ADAM22: variants seen among roughly 807,000 people sequenced by gnomAD.
ADAM22 encodes disintegrin and metalloproteinase domain-containing protein 22.
In ADAM22, 65 loss-of-function variants were observed where a neutral mutation model predicts 144.6. That is an observed-to-expected ratio of 0.45 (90% CI 0.37 to 0.55). The LOEUF (loss-of-function observed/expected upper bound fraction) is 0.55, where lower values mean the gene tolerates loss of function less well. Among genes scored for constraint, ADAM22 ranks in the 20% least tolerant of loss-of-function variants. The probability of loss-of-function intolerance (pLI) is 0.00; values close to 1 mark genes in which losing one functional copy is unlikely to be tolerated. For synonymous variants in ADAM22, 391 were observed against 412.6 expected (o/e 0.95, Z 0.63); for missense variants, 974 against 1,184.9 (o/e 0.82, Z 2.61).
At chr7:87,987,319 C>T (rs1460068988) in intron 3 of ADAM22, among the ~76,000 whole-genome samples, 1 of 152,128 alleles carries the variant, frequency 6.6e-6, no homozygotes, top group African/African-American at 2.4e-5. Flanking sequence ...GCTGGGATTA[C>T]AGGTGTGTGC....
intron 3 of ADAM22, among the ~76,000 whole-genome samples, chr7:88,018,571 T>C (rs938797369): frequency 1.3e-5 from 2 of 152,192 alleles, no homozygotes; most frequent in African/African-American, 2.4e-5. Flanking sequence ...GGTAGAAATA[T>C]AAAGCATCTG....
chr7:88,181,459 C>G, intron 27 of ADAM22, 46 bp from the exon 28 acceptor site: 1 of 1,526,386 alleles, frequency 6.6e-7, no homozygotes, highest in Non-Finnish European at 9.1e-7. Context: ...TCAAAACATT[C>G]ATTTGGTTAC....
intron 3 of ADAM22, among the ~76,000 whole-genome samples, chr7:87,998,288 A>G (rs1428963717): frequency 6.6e-6 from 1 of 152,176 alleles, no homozygotes; most frequent in African/African-American, 2.4e-5. Context: ...ACACCCAGGA[A>G]CAACACTTTG....
chr7:88,114,340 C>G (rs1364971245), intron 5 of ADAM22, among the ~76,000 whole-genome samples: 1 of 152,100 alleles, frequency 6.6e-6, no homozygotes, highest in African/African-American at 2.4e-5. Flanking sequence ...TGATGGGCAA[C>G]AGCTAGAGCA....
rs1049706113 is a variant in ADAM22, at chr7:88,047,852, A to G, written c.324-27774A>G. Among the ~76,000 whole-genome samples, 4 of 152,294 alleles carry G rather than the reference A, an allele frequency of 2.6e-5. No homozygotes were observed. In the East Asian group the frequency reaches 7.7e-4, roughly 29 times the overall value. ...GAATTTATAAGTAAATGGATCAAAT[A>G]AATAAATGCATCAGATGTATATACA... is the stretch of plus-strand genomic sequence containing the variant. On this transcript the variant is annotated intron_variant, in intron 3 of 31. Transcript: ENST00000413139.
At chr7:88,145,101 T>A (rs1835968754) in intron 15 of ADAM22, 24 bp from the exon 16 acceptor site, 1 of 1,608,840 alleles carries the variant, frequency 6.2e-7, no homozygotes, top group Non-Finnish European at 8.5e-7. Flanking sequence ...TATATTTTAG[T>A]TCACTTTTTG....
intron 7 of ADAM22, among the ~76,000 whole-genome samples, chr7:88,120,630 CT>C (rs968462732): frequency 1.3e-5 from 2 of 152,086 alleles, no homozygotes; most frequent in Non-Finnish European, 2.9e-5. Context: ...GAATTTCTGT[CT>C]TTTTTGTTGT....
chr7:87,955,610 C>T lies in ADAM22; in HGVS notation c.246+20424C>T, dbSNP rs563579464. On this transcript the variant is annotated intron_variant, in intron 2 of 31. Transcript: ENST00000413139. ...GTCACACTTGAGGAGGCAGTCTGCC[C>T]GTTCTCAGATCTCCAGCTGCGTGCT... Among the ~76,000 whole-genome samples the T allele has an allele frequency of 3.5e-4, 53 of 152,282 alleles. 2 individuals carry two copies. In the East Asian group the frequency reaches 8.1e-3, roughly 23 times the overall value.
chr7:88,025,366 C>T (rs762515131), intron 3 of ADAM22, among the ~76,000 whole-genome samples: 1 of 152,168 alleles, frequency 6.6e-6, no homozygotes, highest in Non-Finnish European at 1.5e-5. Context: ...TGTGCAGAAG[C>T]TTTTTAACTT....
At chr7:88,131,970 TG>T (rs1831915253) in intron 11 of ADAM22, 1 of 152,298 alleles carries the variant, frequency 6.6e-6, no homozygotes, top group Admixed American at 6.6e-5. Context: ...AGATGTATTT[TG>T]GGGTAACTTT....
At chr7:88,015,256 G>A (rs896492953) in intron 3 of ADAM22, among the ~76,000 whole-genome samples, 1 of 152,182 alleles carries the variant, frequency 6.6e-6, no homozygotes, top group Non-Finnish European at 1.5e-5. Context: ...TGATTGGAGA[G>A]CACTTAATAA....
At chr7:87,972,604 A>G (rs570679824) in intron 2 of ADAM22, among the ~76,000 whole-genome samples, 2,959 of 152,264 alleles carry the variant, frequency 0.019, 36 homozygotes, top group Middle Eastern at 0.031. Context: ...ATATGGAACC[A>G]AAAAAGAGCC....
intron 3 of ADAM22, among the ~76,000 whole-genome samples, chr7:88,053,494 TAAAGAG>T (rs943563539): frequency 6.7e-6 from 1 of 148,322 alleles, no homozygotes; most frequent in Non-Finnish European, 1.5e-5. Flanking sequence ...TAAAAAGACT[TAAAGAG>T]AAGAGGAAAT....
chr7:88,177,134 T>C (rs910663778), intron 26 of ADAM22, among the ~76,000 whole-genome samples: 4 of 152,226 alleles, frequency 2.6e-5, no homozygotes, highest in African/African-American at 9.6e-5. Flanking sequence ...GTAAAGATAG[T>C]AGTGATAAAT....
intron 5 of ADAM22, among the ~76,000 whole-genome samples, chr7:88,113,703 A>AATGTGTGTATATAT (rs1554478727): frequency 1.5e-4 from 7 of 48,106 alleles, no homozygotes; most frequent in African/African-American, 4.0e-4. Context: ...TAAATAAATA[A>AATGTGTGTATATAT]ATATATATAT....
At chr7:88,125,469 C>G (rs10250115) in intron 7 of ADAM22, 120 bp from the exon 8 acceptor site, 27,254 of 602,188 alleles carry the variant, frequency 0.045, 1,679 homozygotes, top group African/African-American at 0.23. Context: ...TTTGTGTGAT[C>G]GTTAAGTGCA....
At position 88,202,001 on chromosome 7, in the gene ADAM22, A is replaced by G. The variant is rs754855547; in HGVS notation, c.*5510A>G. The G allele has an allele frequency of 1.3e-5, 2 of 152,218 alleles. No homozygotes were observed. Among genetic ancestry groups the G allele is most frequent in the Non-Finnish European group, 2.9e-5 (2 of 68,044 alleles). The allele number at this position is 152,218 out of a possible 1,614,324, so 9.4% of individuals were successfully genotyped here. On this transcript the variant is annotated 3_prime_UTR_variant, in exon 32 of 32. Transcript: ENST00000413139. ...ATGCAAATAGCCCCAATCTTTAAAT[A>G]TAGCGGTGCTAAGTTGAACAAGTAA...
chr7:88,063,851 C>A (rs1419326672), intron 3 of ADAM22, among the ~76,000 whole-genome samples: 1 of 152,176 alleles, frequency 6.6e-6, no homozygotes, highest in Non-Finnish European at 1.5e-5. Context: ...CAAATCCAAA[C>A]CATCAATCAA....
intron 3 of ADAM22, among the ~76,000 whole-genome samples, chr7:88,024,772 A>G (rs1396544767): frequency 2.1e-5 from 3 of 143,174 alleles, no homozygotes; most frequent in East Asian, 2.1e-4. Flanking sequence ...TCATTGTTCA[A>G]TTCCCACCTA....
Sources: allele counts gnomAD v4.1 joint callset (sites outside exome capture counted in the v4.1 genomes callset), GRCh38; gene constraint gnomAD v4.1.1; transcripts MANE v1.5; gene names NCBI Gene and HGNC (gene_info 2026-07-23, HGNC 2026-07-21).